Variants in BRAF observed in about 807,000 individuals in gnomAD.
BRAF encodes the protein B-Raf proto-oncogene, serine/threonine kinase.
BRAF carries 16 observed loss-of-function variants against 104.6 expected under a neutral mutation model. That is an observed-to-expected ratio of 0.15 (90% CI 0.10 to 0.23). BRAF has a LOEUF of 0.23. Ranked by LOEUF, BRAF falls within the 10% of genes least tolerant of loss-of-function variation. The pLI is 1.00. For missense variants in BRAF, 541 were observed against 937.3 expected, an observed-to-expected ratio of 0.58 and a Z score of 5.52; for synonymous variants, 310 against 341.6, an observed-to-expected ratio of 0.91 and a Z score of 1.02.
intron 12 of BRAF, chr7:140,779,805 G>C (rs950836219): frequency 3.3e-5 from 5 of 152,154 alleles, no homozygotes; most frequent in Non-Finnish European, 7.3e-5. Flanking sequence ...GGTGGTACGC[G>C]CCTATAATCC....
intron 5 of BRAF, among the ~76,000 whole-genome samples, chr7:140,806,949 A>G (rs1562969114): frequency 6.6e-6 from 1 of 152,178 alleles, no homozygotes; most frequent in Non-Finnish European, 1.5e-5. Flanking sequence ...CTTGACGCCT[A>G]AAGGGTAGCA....
At chr7:140,863,562 C>T (rs910423084) in intron 1 of BRAF, among the ~76,000 whole-genome samples, 1 of 152,108 alleles carries the variant, frequency 6.6e-6, no homozygotes, top group Non-Finnish European at 1.5e-5. Context: ...ATCTGTGTCC[C>T]CACCCAATCT....
chr7:140,880,948 A>G (rs1345296339), intron 1 of BRAF, among the ~76,000 whole-genome samples: 10 of 152,128 alleles, frequency 6.6e-5, no homozygotes, highest in Non-Finnish European at 1.3e-4. Context: ...CAAGAATGAG[A>G]CCCTGTCTCA....
rs545957990 is a variant in BRAF, at chr7:140,911,870, A to T, written c.138+12696T>A. ...TAAATTCATGTTCTATTTCCCAATGATTCCATGTTTGAGTCCAAATGAAAA... is the reference window on the plus strand; with the variant it reads ...TAAATTCATGTTCTATTTCCCAATGTTTCCATGTTTGAGTCCAAATGAAAA... On this transcript the variant is annotated intron_variant, in intron 1 of 19. Coordinates refer to ENST00000644969, the MANE Select transcript of BRAF (RefSeq NM_001374258.1). 1.9e-4 allele frequency among the ~76,000 whole-genome samples: 29 copies of T among 152,336 alleles called. 1 individual carries two copies. Among genetic ancestry groups the T allele is most frequent in the African/African-American group, 6.3e-4 (26 of 41,576 alleles).
intron 18 of BRAF, among the ~76,000 whole-genome samples, chr7:140,738,702 C>T (rs1222196754): frequency 6.6e-6 from 1 of 152,068 alleles, no homozygotes; most frequent in African/African-American, 2.4e-5. Flanking sequence ...TTACAATCTC[C>T]ACCTCCTGGG....
intron 19 of BRAF, chr7:140,731,507 TA>T (rs1371660947): frequency 6.6e-6 from 1 of 152,222 alleles, no homozygotes. Flanking sequence ...CATTTCATAA[TA>T]TTTTTTAAAA....
At chr7:140,792,227 A>G (rs1802048648) in intron 8 of BRAF, among the ~76,000 whole-genome samples, 1 of 152,164 alleles carries the variant, frequency 6.6e-6, no homozygotes, top group Non-Finnish European at 1.5e-5. Flanking sequence ...AAATACTGTA[A>G]AAACCACATT....
chr7:140,877,108 C>T (rs1812348443), intron 1 of BRAF, among the ~76,000 whole-genome samples: 1 of 151,822 alleles, frequency 6.6e-6, no homozygotes, highest in Non-Finnish European at 1.5e-5. Flanking sequence ...ATACAGAATC[C>T]AGCAATTGTA....
chr7:140,818,647 T>TA (rs1055653278), intron 3 of BRAF, among the ~76,000 whole-genome samples: 1 of 152,166 alleles, frequency 6.6e-6, no homozygotes, highest in Non-Finnish European at 1.5e-5. Flanking sequence ...AATAAAAAGT[T>TA]AAAAAACCTT....
intron 1 of BRAF, among the ~76,000 whole-genome samples, chr7:140,920,337 C>T (rs140707852): frequency 1.1e-4 from 16 of 152,254 alleles, no homozygotes; most frequent in Non-Finnish European, 2.1e-4. Flanking sequence ...AAAGGAAGAA[C>T]ACAAAAGTAG....
Position 140,924,157 on chromosome 7 carries a change from G to C in BRAF, c.138+409C>G, listed in dbSNP as rs1029250689. 6.6e-6 allele frequency among the ~76,000 whole-genome samples: 1 copy of C among 151,992 alleles called. No homozygotes were observed. The highest frequency in any genetic ancestry group is 6.6e-5 in the Admixed American group (1 of 15,266). On this transcript the variant is annotated intron_variant, in intron 1 of 19. Coordinates refer to ENST00000644969, the MANE Select transcript of BRAF (RefSeq NM_001374258.1). This position sits in a 1 kb window ranked among gnomAD's most constrained non-coding sequence, Gnocchi z 4.2. ...TAAGAATTACACGCGACAGTAACTC[G>C]GGCTGTTGTCTCAGCCCCAGCAACT... is the stretch of plus-strand genomic sequence containing the variant.
At chr7:140,714,969 G>A (rs979761695), downstream of BRAF, among the ~76,000 whole-genome samples, 3 of 152,126 alleles carry the variant, frequency 2.0e-5, no homozygotes, top group African/African-American at 7.2e-5. Context: ...GTCTCGCATG[G>A]GACCACAGTC....
chr7:140,748,846 C>G (rs1022402574), intron 17 of BRAF: 2 of 157,900 alleles, frequency 1.3e-5, no homozygotes. Flanking sequence ...TGATTTCTTC[C>G]ATTTACCTAG....
intron 1 of BRAF, among the ~76,000 whole-genome samples, chr7:140,867,224 A>G (rs1811064921): frequency 6.6e-6 from 1 of 152,206 alleles, no homozygotes; most frequent in Non-Finnish European, 1.5e-5. Flanking sequence ...CCCAAGTCAG[A>G]CAGCTAAGTA....
chr7:140,753,187 T>C (rs1797920988), intron 16 of BRAF, 88 bp downstream of exon 15: 4 of 909,616 alleles, frequency 4.4e-6, no homozygotes, highest in Non-Finnish European at 5.5e-6. Flanking sequence ...GAAAATACTA[T>C]AGTTGAGACC....
At chr7:140,750,993 C>T (rs1401625835) in intron 16 of BRAF, among the ~76,000 whole-genome samples, 3 of 152,154 alleles carry the variant, frequency 2.0e-5, no homozygotes, top group Non-Finnish European at 4.4e-5. Flanking sequence ...CAAAGGACCA[C>T]ACAGCCTTAG....
At chr7:140,916,798 A>T (rs542224610) in intron 1 of BRAF, among the ~76,000 whole-genome samples, 1 of 152,324 alleles carries the variant, frequency 6.6e-6, no homozygotes, top group Admixed American at 6.5e-5. Flanking sequence ...AACCTGAATA[A>T]AATTATGAGT....
chr7:140,843,790 G>C (rs990349127), intron 2 of BRAF, among the ~76,000 whole-genome samples: 2 of 152,078 alleles, frequency 1.3e-5, no homozygotes, highest in Non-Finnish European at 2.9e-5. Context: ...CGGATCACGA[G>C]GTCAGGAGAT....
chr7:140,836,959 A>T (rs1281842185), intron 2 of BRAF, among the ~76,000 whole-genome samples: 1 of 152,206 alleles, frequency 6.6e-6, no homozygotes, highest in Non-Finnish European at 1.5e-5. Flanking sequence ...TTCCAAACAT[A>T]TTTCCTTACC....
Sources: gnomAD v4.1 joint callset for allele counts (sites outside exome capture counted in the v4.1 genomes callset) on GRCh38, gnomAD v4.1.1 for gene constraint, Gnocchi (gnomAD v3.1) non-coding constraint, MANE v1.5 for transcripts, NCBI Gene and HGNC (gene_info 2026-07-23, HGNC 2026-07-21) for gene names.